Variants in CFAP61 observed in about 807,000 individuals in gnomAD.
CFAP61 encodes cilia and flagella associated protein 61, also known as cilia- and flagella-associated protein 61.
CFAP61 carries 107 observed loss-of-function variants against 135.6 expected under a neutral mutation model. The observed-to-expected ratio is 0.79, with a 90% confidence interval of 0.67 to 0.93. The LOEUF is 0.93. CFAP61 is among the 40% of genes least tolerant of loss of function. The pLI is 0.00. For missense variants in CFAP61, 1,507 were observed against 1,556.2 expected (o/e 0.97, Z 0.53); for synonymous variants, 575 against 578.5 (o/e 0.99, Z 0.09).
chr20:20,057,661 A>G (rs1023122371), intron 2 of CFAP61, among the ~76,000 whole-genome samples: 3 of 152,230 alleles, frequency 2.0e-5, no homozygotes, highest in African/African-American at 7.2e-5. Flanking sequence ...GTTTGTTTAT[A>G]GACCTTCTGT....
chr20:20,332,488 G>A (rs1381832070), intron 25 of CFAP61, among the ~76,000 whole-genome samples: 3 of 152,172 alleles, frequency 2.0e-5, no homozygotes, highest in Non-Finnish European at 4.4e-5. Context: ...CTCACCCAGT[G>A]TAGTAAGCAG....
chr20:20,075,192 C>T lies in CFAP61; in HGVS notation c.375C>T (p.Thr125=), dbSNP rs771266368. The change falls in exon 5 of 27, where the codon ACC becomes ACT. Residue 125 remains threonine, a synonymous_variant. Transcript: ENST00000245957. ...SVGCCKEILR[T]VYKAVPELHF... is the part of the protein sequence containing the mutation. The stretch of plus-strand genomic sequence containing the variant: ...CCACCCTCTCTTTCCTCACCAGAAC[C>T]GTGTATAAGGCAGTGCCAGAGCTGC... 1.2e-5 allele frequency: 20 copies of T among 1,613,884 alleles called. No individual in the cohort carries two copies. Among genetic ancestry groups the T allele is most frequent in the African/African-American group, 5.3e-5 (4 of 74,894 alleles).
intron 2 of CFAP61, among the ~76,000 whole-genome samples, chr20:20,067,776 T>TTATA (rs555922306): frequency 4.1e-3 from 268 of 65,972 alleles, no homozygotes; most frequent in African/African-American, 8.4e-3. Flanking sequence ...TATGTATTTA[T>TTATA]TATATATATA....
rs138324379 is a variant in CFAP61, at chr20:20,062,147, A to G, written c.143+5351A>G. On this transcript the variant is annotated intron_variant, in intron 2 of 26. Coordinates refer to ENST00000245957, the MANE Select transcript of CFAP61 (RefSeq NM_015585.4). ...AGAATTGAGGAGCCCAGCCTCCAGCAAGAAGGAAGGCCCCATGTCACTCTT... is the reference window on the plus strand; with the variant it reads ...AGAATTGAGGAGCCCAGCCTCCAGCGAGAAGGAAGGCCCCATGTCACTCTT... Among the ~76,000 whole-genome samples the G allele has an allele frequency of 2.4e-3, 362 of 152,242 alleles. 2 individuals carry two copies. Among genetic ancestry groups the G allele is most frequent in the Middle Eastern group, 6.8e-3 (2 of 294 alleles).
intron 21 of CFAP61, among the ~76,000 whole-genome samples, chr20:20,267,092 A>G (rs1273282010): frequency 2.0e-5 from 3 of 152,206 alleles, no homozygotes; most frequent in Admixed American, 2.0e-4. Context: ...CCAGTCAGCT[A>G]TAGAGGCACT....
chr20:20,133,128 T>G (rs1351840363), intron 8 of CFAP61, among the ~76,000 whole-genome samples: 1 of 152,236 alleles, frequency 6.6e-6, no homozygotes, highest in Non-Finnish European at 1.5e-5. Context: ...ATTGGCATTT[T>G]CAAAGAATCA....
intron 25 of CFAP61, among the ~76,000 whole-genome samples, chr20:20,329,502 G>A (rs1244124083): frequency 6.6e-6 from 1 of 152,114 alleles, no homozygotes; most frequent in African/African-American, 2.4e-5. Context: ...GCTGCATTTA[G>A]CAGGGCCCCT....
chr20:20,138,290 C>T (rs1282742385), intron 8 of CFAP61, among the ~76,000 whole-genome samples: 1 of 152,220 alleles, frequency 6.6e-6, no homozygotes, highest in South Asian at 2.1e-4. Context: ...CGCATGTCCC[C>T]TAAGTCCGGT....
chr20:20,097,310 A>C (rs940507703), intron 7 of CFAP61, among the ~76,000 whole-genome samples: 2 of 152,222 alleles, frequency 1.3e-5, no homozygotes, highest in South Asian at 4.1e-4. Flanking sequence ...AGGACCCAGT[A>C]AATGCAGGTT....
At chr20:20,195,638 A>G (rs745902592) in intron 15 of CFAP61, among the ~76,000 whole-genome samples, 4 of 152,194 alleles carry the variant, frequency 2.6e-5, no homozygotes, top group East Asian at 1.9e-4. Context: ...TTTCCTTTAC[A>G]TGGGAAGACA....
chr20:20,132,502 T>C (rs1229283921), intron 8 of CFAP61, among the ~76,000 whole-genome samples: 3 of 152,114 alleles, frequency 2.0e-5, no homozygotes, highest in Non-Finnish European at 4.4e-5. Context: ...AATTTTTAGG[T>C]TCAGTGTTCT....
At chr20:20,241,484 A>T (rs919268155) in intron 18 of CFAP61, among the ~76,000 whole-genome samples, 1 of 152,248 alleles carries the variant, frequency 6.6e-6, no homozygotes, top group African/African-American at 2.4e-5. Flanking sequence ...TTTTTTAAAA[A>T]ACTACTTTGT....
chr20:20,311,940 G>C (rs1056551053), intron 25 of CFAP61, among the ~76,000 whole-genome samples: 2 of 152,196 alleles, frequency 1.3e-5, no homozygotes, highest in Non-Finnish European at 1.5e-5. Context: ...ACTCATCTCA[G>C]TAGCAGGGAA....
intron 17 of CFAP61, among the ~76,000 whole-genome samples, chr20:20,214,767 TG>T (rs1357260911): frequency 2.6e-5 from 4 of 152,232 alleles, no homozygotes; most frequent in Admixed American, 2.6e-4. Flanking sequence ...ATGGAAAATT[TG>T]GGAGCAGGGC....
chr20:20,108,358 C>T (rs999113738), intron 8 of CFAP61, among the ~76,000 whole-genome samples: 3 of 152,026 alleles, frequency 2.0e-5, no homozygotes, highest in Admixed American at 6.6e-5. Context: ...AATCATAATA[C>T]TAAAAATGAA....
intron 8 of CFAP61, among the ~76,000 whole-genome samples, chr20:20,119,945 A>G (rs1189274790): frequency 6.6e-6 from 1 of 152,164 alleles, no homozygotes; most frequent in Admixed American, 6.5e-5. Context: ...ATCCAGCTCC[A>G]TGTTCCTGCA....
chr20:20,257,439 AC>A (rs1233278283), intron 20 of CFAP61, among the ~76,000 whole-genome samples: 2 of 152,042 alleles, frequency 1.3e-5, no homozygotes, highest in Non-Finnish European at 2.9e-5. Context: ...ACATGGTGAA[AC>A]CCCATCTCTA....
At chr20:20,126,764 C>G (rs538699099) in intron 8 of CFAP61, among the ~76,000 whole-genome samples, 43 of 151,840 alleles carry the variant, frequency 2.8e-4, no homozygotes, top group Non-Finnish European at 5.1e-4. Flanking sequence ...GTCCAGGTCT[C>G]TAGCAAGGCT....
intron 24 of CFAP61, among the ~76,000 whole-genome samples, chr20:20,290,808 C>T (rs1290887440): frequency 1.3e-5 from 2 of 152,152 alleles, no homozygotes; most frequent in Non-Finnish European, 2.9e-5. Flanking sequence ...ACGAGTGTGC[C>T]ACCTTGAAGT....
Sources: gnomAD v4.1 joint callset for allele counts (sites outside exome capture counted in the v4.1 genomes callset) on GRCh38, gnomAD v4.1.1 for gene constraint, MANE v1.5 for transcripts, NCBI Gene and HGNC (gene_info 2026-07-23, HGNC 2026-07-21) for gene names.